Variants in CFAP47 observed in about 807,000 individuals in gnomAD.
CFAP47 encodes cilia and flagella associated protein 47, also known as cilia- and flagella-associated protein 47.
Under a neutral mutation model 148.1 loss-of-function variants are expected in CFAP47, and 29 were observed. That is an observed-to-expected ratio of 0.20 (90% CI 0.15 to 0.27). CFAP47 has a LOEUF of 0.27. Among genes scored for constraint, CFAP47 ranks in the 10% least tolerant of loss-of-function variants. The probability of loss-of-function intolerance (pLI) is 1.00; values close to 1 mark genes in which losing one functional copy is unlikely to be tolerated. For missense variants in CFAP47, 1,872 were observed against 1,697.5 expected, an observed-to-expected ratio of 1.10 and a Z score of -1.81; for synonymous variants, 664 against 577.3, an observed-to-expected ratio of 1.15 and a Z score of -2.15.
intron 45 of CFAP47, among the ~76,000 whole-genome samples, chrX:36,215,753 G>A (rs1458721660): frequency 9.0e-6 from 1 of 111,676 alleles, no homozygotes; most frequent in African/African-American, 3.3e-5. Context: ...ACAGGCTGAA[G>A]GCAGCTGGTG....
At chrX:36,127,887 CTTTG>C (rs1356954905) in intron 33 of CFAP47, among the ~76,000 whole-genome samples, 4 of 110,693 alleles carry the variant, frequency 3.6e-5, no homozygotes, top group African/African-American at 9.9e-5. Context: ...TGATTTGGTT[CTTTG>C]TTTGTCTATT....
At chrX:36,028,922 T>C (rs1380741963) in intron 22 of CFAP47, among the ~76,000 whole-genome samples, 1 of 111,069 alleles carries the variant, frequency 9.0e-6, no homozygotes, top group Non-Finnish European at 1.9e-5. Flanking sequence ...ATCCTTGTCT[T>C]GTTCCAGTTC....
intron 15 of CFAP47, among the ~76,000 whole-genome samples, chrX:35,979,960 C>T (rs144726589): frequency 0.011 from 1,248 of 111,526 alleles, 22 homozygotes; most frequent in African/African-American, 0.038. Context: ...GCTGGAATGC[C>T]GATAATACAA....
At chrX:36,267,903 T>G (rs1257588208) in intron 49 of CFAP47, among the ~76,000 whole-genome samples, 1 of 112,734 alleles carries the variant, frequency 8.9e-6, no homozygotes, top group Non-Finnish European at 1.9e-5. Flanking sequence ...TTCTTTTCGT[T>G]TACAATTTTA....
At chrX:36,295,153 G>T (rs782023570) in intron 51 of CFAP47, among the ~76,000 whole-genome samples, 1 of 112,075 alleles carries the variant, frequency 8.9e-6, no homozygotes, top group African/African-American at 3.2e-5. Flanking sequence ...CGAAAAGAGC[G>T]CATGTGAAGA....
intron 46 of CFAP47, among the ~76,000 whole-genome samples, chrX:36,232,156 T>C (rs868977311): frequency 1.8e-5 from 2 of 111,746 alleles, no homozygotes; most frequent in Middle Eastern, 4.6e-3. Context: ...TTCCCTCTTT[T>C]TCTATTGATT....
At chrX:36,110,123 C>A (rs1938531811) in intron 33 of CFAP47, among the ~76,000 whole-genome samples, 1 of 111,501 alleles carries the variant, frequency 9.0e-6, no homozygotes, top group Non-Finnish European at 1.9e-5. Context: ...TTAAACAGAT[C>A]CCATTTGTCA....
chrX:36,181,625 ACAGC>A (rs1187757405), intron 40 of CFAP47, among the ~76,000 whole-genome samples: 1 of 111,874 alleles, frequency 8.9e-6, no homozygotes, highest in Admixed American at 9.5e-5. Flanking sequence ...AAACAAAACA[ACAGC>A]CAAGAAAAAC....
intron 24 of CFAP47, among the ~76,000 whole-genome samples, chrX:36,037,971 C>T (rs771159883): frequency 9.0e-6 from 1 of 110,888 alleles, no homozygotes; most frequent in South Asian, 3.9e-4. Flanking sequence ...AGTAGGGAGC[C>T]CATTATTTTT....
At chrX:36,175,424 G>A (rs1767479996) in intron 39 of CFAP47, among the ~76,000 whole-genome samples, 1 of 111,675 alleles carries the variant, frequency 9.0e-6, no homozygotes, top group African/African-American at 3.3e-5. Context: ...CCCCATCTTT[G>A]TGGTTTTATC....
At chrX:36,176,226 G>A (rs776471201) in intron 39 of CFAP47, among the ~76,000 whole-genome samples, 7 of 111,140 alleles carry the variant, frequency 6.3e-5, no homozygotes, top group East Asian at 5.7e-4. Context: ...GATGAACCCC[G>A]TACCTCAGAT....
chrX:36,138,390 C>A lies in CFAP47; in HGVS notation c.5461C>A (p.Pro1821Thr). Residue 1821 changes from proline (P) to threonine (T), a missense_variant, in exon 35 of 64, where the codon CCT becomes ACT. Coordinates refer to ENST00000378653, the MANE Select transcript of CFAP47 (RefSeq NM_001304548.2). ...AAATATGTACACACGACCAAAAAGTCCTGAAGAGTATCTGCACAATTGCCT... is the reference window on the plus strand; with the variant it reads ...AAATATGTACACACGACCAAAAAGTACTGAAGAGTATCTGCACAATTGCCT... ...FINMYTRPKS[P>T]EEYLHNCLII... The A allele has an allele frequency of 8.6e-7, 1 of 1,161,976 alleles. No individual in the cohort carries two copies. The highest frequency in any genetic ancestry group is 1.1e-6 in the Non-Finnish European group (1 of 875,642).
At chrX:36,270,851 G>A (rs1444797749) in intron 49 of CFAP47, among the ~76,000 whole-genome samples, 2 of 108,605 alleles carry the variant, frequency 1.8e-5, no homozygotes, top group East Asian at 5.7e-4. Flanking sequence ...CTATTGAAGA[G>A]CAGTTTTTTA....
At chrX:36,055,018 C>T (rs1439451823) in intron 26 of CFAP47, among the ~76,000 whole-genome samples, 4 of 108,917 alleles carry the variant, frequency 3.7e-5, no homozygotes, top group African/African-American at 1.0e-4. Flanking sequence ...ATGATCCACC[C>T]GCCTCGGCCT....
intron 57 of CFAP47, among the ~76,000 whole-genome samples, chrX:36,328,803 C>T (rs1402135985): frequency 2.5e-5 from 2 of 78,957 alleles, no homozygotes; most frequent in Non-Finnish European, 4.5e-5. Context: ...GGTGACAGAG[C>T]GAGACTCTGT....
intron 3 of CFAP47, among the ~76,000 whole-genome samples, chrX:35,942,719 A>G (rs897188215): frequency 8.1e-4 from 90 of 111,620 alleles, no homozygotes; most frequent in Non-Finnish European, 2.5e-4. Context: ...TTACAGTTTC[A>G]TTTCATATGA....
intron 33 of CFAP47, among the ~76,000 whole-genome samples, chrX:36,105,294 G>A: frequency 8.9e-6 from 1 of 111,994 alleles, no homozygotes; most frequent in Non-Finnish European, 1.9e-5. Flanking sequence ...GCTGAGACAT[G>A]TTGGTGTTCA....
intron 55 of CFAP47, among the ~76,000 whole-genome samples, chrX:36,309,598 G>A (rs192685790): frequency 9.0e-6 from 1 of 110,916 alleles, no homozygotes; most frequent in Non-Finnish European, 1.9e-5. Flanking sequence ...TTCAATAATC[G>A]TGGGATGTGG....
intron 56 of CFAP47, among the ~76,000 whole-genome samples, chrX:36,311,330 T>C (rs1941392661): frequency 9.0e-6 from 1 of 111,289 alleles, no homozygotes; most frequent in Non-Finnish European, 1.9e-5. Flanking sequence ...AATTCTGATA[T>C]GGTGATTTTG....
Sources: allele counts gnomAD v4.1 joint callset (sites outside exome capture counted in the v4.1 genomes callset), GRCh38; gene constraint gnomAD v4.1.1; transcripts MANE v1.5; gene names NCBI Gene and HGNC (gene_info 2026-07-23, HGNC 2026-07-21).